The following SEPTIN14 variants were observed in gnomAD, a reference collection of about 807,000 sequenced individuals.
SEPTIN14 encodes septin-14.
SEPTIN14 carries 40 observed loss-of-function variants against 53.6 expected under a neutral mutation model. The observed-to-expected ratio is 0.75, with a 90% CI of 0.58 to 0.97. SEPTIN14 has a LOEUF of 0.97. SEPTIN14 is among the 50% of genes least tolerant of loss of function. The probability of loss-of-function intolerance (pLI) is 0.00; values close to 1 mark genes in which losing one functional copy is unlikely to be tolerated. For missense variants in SEPTIN14, 471 were observed against 508.2 expected, an observed-to-expected ratio of 0.93 and a Z score of 0.70; for synonymous variants, 138 against 166.8, an observed-to-expected ratio of 0.83 and a Z score of 1.33.
chr7:55,801,878 G>T (rs1014435477), intron 9 of SEPTIN14, among the ~76,000 whole-genome samples: 1 of 151,986 alleles, frequency 6.6e-6, no homozygotes, highest in Non-Finnish European at 1.5e-5. Context: ...CTGAGATCGT[G>T]CCACTTCACT....
At chr7:55,861,109 C>A (rs946479205) in intron 2 of SEPTIN14, among the ~76,000 whole-genome samples, 1 of 152,086 alleles carries the variant, frequency 6.6e-6, no homozygotes, top group Non-Finnish European at 1.5e-5. Context: ...GAGTATTAAC[C>A]ATGATTTGTT....
At chr7:55,806,490 T>A (rs886331955) in intron 8 of SEPTIN14, among the ~76,000 whole-genome samples, 4 of 148,922 alleles carry the variant, frequency 2.7e-5, no homozygotes, top group African/African-American at 1.0e-4. Context: ...TAAGATGGAG[T>A]CTTGCTCAGT....
intron 7 of SEPTIN14, among the ~76,000 whole-genome samples, chr7:55,814,292 C>T (rs1425076410): frequency 2.0e-5 from 3 of 152,126 alleles, no homozygotes; most frequent in Non-Finnish European, 4.4e-5. Flanking sequence ...AATGCCCAGA[C>T]ATAGATGAAC....
At chr7:55,804,711 T>TA (rs1339087128) in intron 9 of SEPTIN14, among the ~76,000 whole-genome samples, 1 of 152,144 alleles carries the variant, frequency 6.6e-6, no homozygotes, top group Non-Finnish European at 1.5e-5. Flanking sequence ...CACCTACACT[T>TA]GAGAGAAAGA....
intron 2 of SEPTIN14, among the ~76,000 whole-genome samples, chr7:55,851,336 G>T (rs1396320065): frequency 6.6e-6 from 1 of 151,604 alleles, no homozygotes; most frequent in Non-Finnish European, 1.5e-5. Context: ...CCTCAGCCCT[G>T]GCAACCTCTC....
chr7:55,855,616 T>G (rs2116078327), intron 2 of SEPTIN14, among the ~76,000 whole-genome samples: 1 of 152,088 alleles, frequency 6.6e-6, no homozygotes, highest in African/African-American at 2.4e-5. Flanking sequence ...AGTGCAGTGG[T>G]GCGATCTCGG....
At chr7:55,839,960 C>T (rs1317719605) in intron 5 of SEPTIN14, among the ~76,000 whole-genome samples, 1 of 151,470 alleles carries the variant, frequency 6.6e-6, no homozygotes, top group African/African-American at 2.4e-5. Context: ...GCCTGGCCAA[C>T]ATGGTGAAAC....
chr7:55,832,471 A>C (rs1584263684), intron 6 of SEPTIN14, among the ~76,000 whole-genome samples: 1 of 152,274 alleles, frequency 6.6e-6, no homozygotes, highest in East Asian at 1.9e-4. Flanking sequence ...TTACATTCCT[A>C]CTCATAATAG....
intron 6 of SEPTIN14, among the ~76,000 whole-genome samples, chr7:55,825,217 T>G (rs1788961346): frequency 6.6e-6 from 1 of 152,158 alleles, no homozygotes. Flanking sequence ...CTTAAATACA[T>G]ATTTCTAAGT....
chr7:55,841,040 C>T (rs1383952221), intron 5 of SEPTIN14, among the ~76,000 whole-genome samples: 1 of 152,132 alleles, frequency 6.6e-6, no homozygotes, highest in Non-Finnish European at 1.5e-5. Flanking sequence ...GCTGGGATTA[C>T]AGGCGCCTGC....
rs143876421 is a variant in SEPTIN14 at position 55,811,277 on chromosome 7, G to A, written c.818-4019C>T. ...AGAGTTTATCCACCTCCTTGAAGAG[G>A]TTCTGCCTGTCAGACTCAATTGGCT... On this transcript the variant is annotated intron_variant, in intron 7 of 9. Transcript: ENST00000388975. 4.0e-4 allele frequency: 207 copies of A among 518,628 alleles called. 2 individuals carry two copies. Among genetic ancestry groups the A allele is most frequent in the African/African-American group, 3.7e-3 (192 of 51,820 alleles). The allele number at this position is 518,628 out of a possible 1,614,324, so 32.1% of individuals were successfully genotyped here.
chr7:55,819,144 G>C lies in SEPTIN14; in HGVS notation c.800C>G (p.Pro267Arg). 1 of 1,581,784 alleles carries C rather than the reference G, an allele frequency of 6.3e-7. No individual in the cohort carries two copies. Among genetic ancestry groups the C allele is most frequent in the Non-Finnish European group, 8.6e-7 (1 of 1,162,310 alleles). Residue 267 changes from proline to arginine, a missense_variant, in exon 7 of 10, where the codon CCT (proline) becomes CGT (arginine). By Grantham distance (103) the Pro-to-Arg change is moderately radical. Transcript: ENST00000388975. ...ATTTTTACCTTGCAAAACTCCCCAA[G>C]GGTAGTGACGGCCTCTGACCATCCT... is the stretch of plus-strand genomic sequence containing the variant. The part of the protein sequence containing the change: ...GKRMVRGRHY[P>R]WGVLQVENEN...
chr7:55,844,633 T>G lies in SEPTIN14; in HGVS notation c.261A>C (p.Ser87=). The G allele has an allele frequency of 1.9e-6, 3 of 1,610,178 alleles. No individual in the cohort carries two copies. The East Asian group carries it at 6.7e-5, about 36-fold the overall frequency. The stretch of plus-strand genomic sequence containing the variant: ...ATGTCTGAATTTGAAGTCCAACATT[T>G]GAGTAAAAATGTGAGGATTTGTTAT... The part of the protein sequence containing the change: ...LKDNKSSHFY[S]NVGLQIQTYE... Residue 87 remains serine (S), a synonymous_variant, in exon 4 of 10, where the codon TCA becomes TCC. Transcript: ENST00000388975.
intron 4 of SEPTIN14, 47 bp from the exon 5 acceptor site, chr7:55,843,175 A>C: frequency 8.0e-7 from 1 of 1,254,064 alleles, no homozygotes; most frequent in Non-Finnish European, 1.1e-6. Flanking sequence ...ATAAAATCTA[A>C]AGCCTGCTTT....
chr7:55,806,469 C>CTTT (rs111518957), intron 8 of SEPTIN14, among the ~76,000 whole-genome samples: 7 of 142,764 alleles, frequency 4.9e-5, no homozygotes, highest in African/African-American at 1.8e-4. Flanking sequence ...CTTTTTTTTT[C>CTTT]TTTTTTTTTT....
At chr7:55,855,755 T>A (rs1789612404) in intron 2 of SEPTIN14, among the ~76,000 whole-genome samples, 1 of 152,022 alleles carries the variant, frequency 6.6e-6, no homozygotes, top group East Asian at 1.9e-4. Flanking sequence ...AGTTTCACTA[T>A]GTTGGCCAGG....
At chr7:55,808,036 T>C (rs1346142770) in intron 7 of SEPTIN14, among the ~76,000 whole-genome samples, 4 of 152,096 alleles carry the variant, frequency 2.6e-5, no homozygotes, top group East Asian at 1.9e-4. Context: ...GAGGGGGAGA[T>C]AGACTGTATT....
chr7:55,850,509 A>T (rs1377299064), intron 2 of SEPTIN14, among the ~76,000 whole-genome samples: 1 of 152,154 alleles, frequency 6.6e-6, no homozygotes, highest in African/African-American at 2.4e-5. Context: ...TGGCAAAGAC[A>T]TCACAAAAAG....
intron 6 of SEPTIN14, among the ~76,000 whole-genome samples, chr7:55,822,644 T>C (rs1292119872): frequency 6.6e-6 from 1 of 152,128 alleles, no homozygotes; most frequent in East Asian, 1.9e-4. Context: ...GGGAATTTAA[T>C]GGAGACAAGA....
Sources: allele counts gnomAD v4.1 joint callset (sites outside exome capture counted in the v4.1 genomes callset), GRCh38; gene constraint gnomAD v4.1.1; transcripts MANE v1.5; gene names NCBI Gene and HGNC (gene_info 2026-07-23, HGNC 2026-07-21).